Variants in NEDD4L observed in about 807,000 individuals in gnomAD.
NEDD4L encodes the protein NEDD4 like E3 ubiquitin protein ligase, also known as E3 ubiquitin-protein ligase NEDD4-like.
Under a neutral mutation model 148.9 loss-of-function variants are expected in NEDD4L, and 54 were observed. That is an observed-to-expected ratio of 0.36 (90% CI 0.29 to 0.45). NEDD4L has a LOEUF of 0.45. Among genes scored for constraint, NEDD4L ranks in the 20% least tolerant of loss-of-function variants. NEDD4L has a pLI of 1.00. For synonymous variants in NEDD4L, 433 were observed against 440.7 expected, an observed-to-expected ratio of 0.98 and a Z score of 0.22; for missense variants, 856 against 1,233.8, an observed-to-expected ratio of 0.69 and a Z score of 4.59.
At chr18:58,156,198 T>A (rs1184467478) in intron 1 of NEDD4L, among the ~76,000 whole-genome samples, 1 of 152,230 alleles carries the variant, frequency 6.6e-6, no homozygotes, top group Non-Finnish European at 1.5e-5. Context: ...AGTAGAAGCG[T>A]TGGTGTTCTT....
At chr18:58,298,295 G>A (rs1012364684) in intron 5 of NEDD4L, among the ~76,000 whole-genome samples, 3 of 151,954 alleles carry the variant, frequency 2.0e-5, no homozygotes, top group Non-Finnish European at 4.4e-5. Flanking sequence ...AATTTCTTTG[G>A]GTTGTAATGC....
At chr18:58,339,110 G>A (rs540466227) in intron 13 of NEDD4L, among the ~76,000 whole-genome samples, 9 of 152,116 alleles carry the variant, frequency 5.9e-5, no homozygotes, top group African/African-American at 1.9e-4. Context: ...AGTTTTCCAG[G>A]GGCGGGGCCA....
intron 24 of NEDD4L, among the ~76,000 whole-genome samples, chr18:58,378,628 A>G (rs1051413835): frequency 6.6e-6 from 1 of 152,072 alleles, no homozygotes; most frequent in Non-Finnish European, 1.5e-5. Context: ...GAGGATGAGG[A>G]AGGCCTGGTT....
chr18:58,103,244 T>TATATATATATATATATATA (rs2084873943), intron 1 of NEDD4L, among the ~76,000 whole-genome samples: 1 of 142,484 alleles, frequency 7.0e-6, no homozygotes, highest in Non-Finnish European at 1.5e-5. Flanking sequence ...CATATACATA[T>TATATATATATATATATATA]TATATATGTG....
rs539682908 is a variant in NEDD4L, at chr18:58,167,425, A to T, written c.122+1564A>T. Among the ~76,000 whole-genome samples the T allele has an allele frequency of 2.0e-5, 3 of 152,236 alleles. No individual in the cohort carries two copies. In the South Asian group the frequency reaches 6.2e-4, roughly 32 times the overall value. ...GAAATACTGTTTCCTGAAACTCACAAATTTGCTCTCTACCAAAGCCCACCT... is the reference window on the plus strand; with the variant it reads ...GAAATACTGTTTCCTGAAACTCACATATTTGCTCTCTACCAAAGCCCACCT... On this transcript the variant is annotated intron_variant, in intron 2 of 30. Transcript: ENST00000400345.
chr18:58,067,540 A>G (rs988954684), intron 1 of NEDD4L, among the ~76,000 whole-genome samples: 1 of 152,124 alleles, frequency 6.6e-6, no homozygotes, highest in Non-Finnish European at 1.5e-5. Context: ...GCCTGCGAGG[A>G]CACACTTGGG....
chr18:58,309,168 C>T (rs628548), intron 5 of NEDD4L, among the ~76,000 whole-genome samples: 1 of 152,174 alleles, frequency 6.6e-6, no homozygotes, highest in African/African-American at 2.4e-5. Flanking sequence ...TGAGGCCTGG[C>T]CTCAGTTTCC....
chr18:58,321,396 A>G (rs572598842), intron 6 of NEDD4L, among the ~76,000 whole-genome samples: 28 of 152,338 alleles, frequency 1.8e-4, no homozygotes, highest in African/African-American at 6.5e-4. Context: ...AGTACATATA[A>G]TCTGCATCCA....
intron 1 of NEDD4L, among the ~76,000 whole-genome samples, chr18:58,118,130 A>G (rs1479095837): frequency 4.6e-5 from 7 of 152,228 alleles, no homozygotes; most frequent in Non-Finnish European, 2.9e-5. Flanking sequence ...GGCATTGCCA[A>G]GTTGTTAGAG....
chr18:58,302,850 G>C (rs1343528800), intron 5 of NEDD4L, among the ~76,000 whole-genome samples: 2 of 151,942 alleles, frequency 1.3e-5, no homozygotes, highest in East Asian at 3.9e-4. Flanking sequence ...CTCCCACGGC[G>C]TACTTCAGAT....
At chr18:58,367,645 C>A in intron 21 of NEDD4L, 101 bp from the exon 22 acceptor site, 1 of 1,294,332 alleles carries the variant, frequency 7.7e-7, no homozygotes, top group Non-Finnish European at 1.1e-6. Flanking sequence ...ACAGAATGCT[C>A]GCAGGGACAC....
Position 58,348,213 on chromosome 18 carries a change from G to T in NEDD4L, c.1576-1324G>T, listed in dbSNP as rs1340617771. ...TGGTTTTGCTTTGTTGCCCAGGATG[G>T]TCTCGAACTCCTGGGCTCAAGCAGT... On this transcript the variant is annotated intron_variant, in intron 16 of 30. Coordinates refer to ENST00000400345, the MANE Select transcript of NEDD4L (RefSeq NM_001144967.3). 3.3e-5 allele frequency among the ~76,000 whole-genome samples: 5 copies of T among 151,746 alleles called. No homozygotes were observed. The East Asian group carries it at 9.6e-4, about 29-fold the overall frequency.
At position 58,397,822 on chromosome 18, in the gene NEDD4L, A is replaced by G. The variant is rs1354947133; in HGVS notation, c.*1553A>G. ...TTGAACGACCCTGCTGTCCTTTTTAACCTGTGTTGTCCTAGACCCTGTCGG... is the reference window on the plus strand; with the variant it reads ...TTGAACGACCCTGCTGTCCTTTTTAGCCTGTGTTGTCCTAGACCCTGTCGG... On this transcript the variant is annotated 3_prime_UTR_variant, in exon 31 of 31. Coordinates refer to ENST00000400345, the MANE Select transcript of NEDD4L (RefSeq NM_001144967.3). The G allele has an allele frequency of 6.6e-6, 1 of 152,482 alleles. No homozygotes were observed. Among genetic ancestry groups the G allele is most frequent in the Non-Finnish European group, 1.5e-5 (1 of 68,014 alleles). The allele number at this position is 152,482 out of a possible 1,614,324, so 9.4% of individuals were successfully genotyped here.
intron 1 of NEDD4L, among the ~76,000 whole-genome samples, chr18:58,132,448 A>T (rs1244673450): frequency 6.6e-6 from 1 of 152,198 alleles, no homozygotes; most frequent in Non-Finnish European, 1.5e-5. Flanking sequence ...TCCTGTTTGG[A>T]ATATCACAAA....
At chr18:58,134,824 C>A (rs2032648644) in intron 1 of NEDD4L, among the ~76,000 whole-genome samples, 1 of 146,450 alleles carries the variant, frequency 6.8e-6, no homozygotes, top group African/African-American at 2.6e-5. Context: ...AGGGGAGGAA[C>A]CTGGGAGCTA....
rs1314096503 is a variant in NEDD4L, at chr18:58,365,596, A to T, written c.1834-403A>T. Among the ~76,000 whole-genome samples the T allele has an allele frequency of 2.6e-5, 4 of 152,308 alleles. No individual in the cohort carries two copies. The East Asian group carries it at 7.7e-4, about 29-fold the overall frequency. On this transcript the variant is annotated intron_variant, in intron 20 of 30. Coordinates refer to ENST00000400345, the MANE Select transcript of NEDD4L (RefSeq NM_001144967.3). ...GCGGCCCTGCCACAGTTGAGCATGG[A>T]TAGGCCCAACCTGGCCAGGTGGGGA...
intron 5 of NEDD4L, among the ~76,000 whole-genome samples, chr18:58,258,939 T>C (rs983800057): frequency 1.3e-5 from 2 of 152,190 alleles, no homozygotes; most frequent in South Asian, 2.1e-4. Flanking sequence ...CTACCAAGCT[T>C]TTTTGGCGTT....
At chr18:58,056,894 C>CTTTTTTTTTTTTTTTTTTTTTTTTTT (rs74183230) in intron 1 of NEDD4L, among the ~76,000 whole-genome samples, 1 of 121,618 alleles carries the variant, frequency 8.2e-6, no homozygotes, top group Non-Finnish European at 1.7e-5. Flanking sequence ...GCTATGCCCT[C>CTTTTTTTTTTTTTTTTTTTTTTTTTT]TTTTTTTTTT....
At chr18:58,127,871 T>C (rs2031415541) in intron 1 of NEDD4L, among the ~76,000 whole-genome samples, 1 of 151,602 alleles carries the variant, frequency 6.6e-6, no homozygotes, top group Admixed American at 6.6e-5. Flanking sequence ...AATCAACATT[T>C]ATTTATTTAT....
Sources: allele counts gnomAD v4.1 joint callset (sites outside exome capture counted in the v4.1 genomes callset), GRCh38; gene constraint gnomAD v4.1.1; transcripts MANE v1.5; gene names NCBI Gene and HGNC (gene_info 2026-07-23, HGNC 2026-07-21).